LPIN2: variants seen among roughly 807,000 people sequenced by gnomAD.
The protein encoded by LPIN2 is phosphatidate phosphatase LPIN2.
Under a neutral mutation model 111.4 loss-of-function variants are expected in LPIN2, and 55 were observed. The ratio of observed to expected loss-of-function variants is 0.49; its 90% confidence interval spans 0.40 to 0.62. LPIN2 has a LOEUF of 0.62. Among genes scored for constraint, LPIN2 ranks in the 20% least tolerant of loss-of-function variants. The pLI is 0.00. For synonymous variants in LPIN2, 425 were observed against 414.0 expected, an observed-to-expected ratio of 1.03 and a Z score of -0.32; for missense variants, 992 against 1,112.1, an observed-to-expected ratio of 0.89 and a Z score of 1.54.
intron 18 of LPIN2, 188 bp downstream of exon 18, chr18:2,921,345 C>T: frequency 1.6e-6 from 1 of 638,970 alleles, no homozygotes; most frequent in South Asian, 1.8e-5. Context: ...TGGGGCAGAT[C>T]TGCACCTGCA....
At chr18:3,005,733 G>GT (rs1262985064) in intron 1 of LPIN2, among the ~76,000 whole-genome samples, 1 of 149,810 alleles carries the variant, frequency 6.7e-6, no homozygotes, top group African/African-American at 2.5e-5. Context: ...CCTAATAAAC[G>GT]TAACAACAAC....
At position 2,925,562 on chromosome 18, in the gene LPIN2, T is replaced by G. The variant is rs957138029; in HGVS notation, c.1794-194A>C. Among the ~76,000 whole-genome samples, 2 of 152,218 alleles carry G rather than the reference T, an allele frequency of 1.3e-5. No individual in the cohort carries two copies. Among genetic ancestry groups the G allele is most frequent in the African/African-American group, 4.8e-5 (2 of 41,452 alleles). On this transcript the variant is annotated intron_variant, in intron 13 of 19. Coordinates refer to ENST00000677752, the MANE Select transcript of LPIN2 (RefSeq NM_001375808.2). The surrounding 1 kb of genome is among the most constrained non-coding windows in gnomAD (Gnocchi z 4.1). Reference sequence around the variant, plus strand: ...CATATTGTTAACTGATAAGGCCACTTTCATAACTGGCAAGCACTTACTTTC... The same window carrying G: ...CATATTGTTAACTGATAAGGCCACTGTCATAACTGGCAAGCACTTACTTTC...
chr18:2,929,185 G>T, intron 9 of LPIN2, 27 bp from the exon 10 acceptor site: 2 of 1,367,906 alleles, frequency 1.5e-6, no homozygotes, highest in South Asian at 1.2e-5. Flanking sequence ...TAATCAATTT[G>T]GTTAGAGATT....
intron 1 of LPIN2, among the ~76,000 whole-genome samples, chr18:2,964,635 CA>C (rs2077765229): frequency 6.6e-6 from 1 of 152,182 alleles, no homozygotes; most frequent in South Asian, 2.1e-4. Flanking sequence ...TTGTTTAAGC[CA>C]AATACCATCT....
At chr18:2,958,138 T>C (rs1486928031) in intron 2 of LPIN2, among the ~76,000 whole-genome samples, 1 of 17,080 alleles carries the variant, frequency 5.9e-5, no homozygotes, top group Non-Finnish European at 1.0e-4. Context: ...CGAGACTCCA[T>C]CTCAAAAAAA....
chr18:2,995,369 C>T (rs1227017213), intron 1 of LPIN2, among the ~76,000 whole-genome samples: 1 of 152,186 alleles, frequency 6.6e-6, no homozygotes, highest in Non-Finnish European at 1.5e-5. Flanking sequence ...TTCCCTATGC[C>T]TTAAGACTCA....
chr18:2,980,936 T>TTCAGAATAA lies in LPIN2; in HGVS notation c.-9-20088_-9-20087insTTATTCTGA, dbSNP rs2078101212. 6.6e-5 allele frequency among the ~76,000 whole-genome samples: 10 copies of TTCAGAATAA among 152,368 alleles called. No homozygotes were observed. In the South Asian group the frequency reaches 1.9e-3, roughly 28 times the overall value. ...TATGGCCAGTAGATTATTCTGGGAC[T>TTCAGAATAA]TCAGGTTATTTGAATATAAAATAAT... On this transcript the variant is annotated intron_variant, in intron 1 of 19. Transcript: ENST00000677752.
At chr18:2,927,534 T>C (rs2144143469) in intron 12 of LPIN2, among the ~76,000 whole-genome samples, 188 bp downstream of exon 12, 1 of 152,280 alleles carries the variant, frequency 6.6e-6, no homozygotes, top group East Asian at 1.9e-4. Context: ...ACATCTCTAG[T>C]GCTGAGCTAC....
chr18:2,920,241 CCCTTG>C lies in LPIN2; in HGVS notation c.*47_*51del. The C allele has an allele frequency of 3.7e-6, 6 of 1,612,176 alleles. No homozygotes were observed. The South Asian group carries it at 6.6e-5, about 18-fold the overall frequency. ...GGTCAGCAGAAGAGCCAGCTGCCTT[CCCTTG>C]CTGTGGGGAGGGGGACCAAGCCCTG... is the stretch of plus-strand genomic sequence containing the variant. On this transcript the variant is annotated 3_prime_UTR_variant, in exon 20 of 20. Coordinates refer to ENST00000677752, the MANE Select transcript of LPIN2 (RefSeq NM_001375808.2).
intron 1 of LPIN2, among the ~76,000 whole-genome samples, chr18:3,000,099 A>G (rs2078411251): frequency 7.6e-6 from 1 of 131,050 alleles, no homozygotes; most frequent in East Asian, 2.4e-4. Flanking sequence ...AAGAGGGGAA[A>G]GAGGGGAAGG....
chr18:2,922,664 A>T (rs1168542677), intron 16 of LPIN2, among the ~76,000 whole-genome samples: 3 of 152,346 alleles, frequency 2.0e-5, no homozygotes. Flanking sequence ...ACTGCTTAGG[A>T]TTATAGAGGT....
intron 4 of LPIN2, among the ~76,000 whole-genome samples, chr18:2,949,211 TGAAG>T (rs767884259): frequency 6.0e-4 from 91 of 152,296 alleles, no homozygotes; most frequent in Non-Finnish European, 9.0e-4. Flanking sequence ...AAAGACTGAA[TGAAG>T]GAAGGAAAAG....
At chr18:3,000,971 GA>G (rs2078426810) in intron 1 of LPIN2, among the ~76,000 whole-genome samples, 1 of 134,546 alleles carries the variant, frequency 7.4e-6, no homozygotes, top group South Asian at 2.8e-4. Context: ...TGGGGAAAAA[GA>G]GGGGGGAGAG....
chr18:2,975,985 C>A lies in LPIN2; in HGVS notation c.-9-15136G>T, dbSNP rs369452809. On this transcript the variant is annotated intron_variant, in intron 1 of 19. Coordinates refer to ENST00000677752, the MANE Select transcript of LPIN2 (RefSeq NM_001375808.2). Reference sequence around the variant, plus strand: ...GAAGTTTTTTCTATTTACACACTGACCTAGAAGTCAGGAATTTGTACGATT... The same window carrying A: ...GAAGTTTTTTCTATTTACACACTGAACTAGAAGTCAGGAATTTGTACGATT... 3.4e-4 allele frequency among the ~76,000 whole-genome samples: 52 copies of A among 152,226 alleles called. No homozygotes were observed. In the East Asian group the frequency reaches 5.6e-3, roughly 16 times the overall value.
At chr18:2,927,450 C>A (rs921647634) in intron 12 of LPIN2, among the ~76,000 whole-genome samples, 1 of 152,160 alleles carries the variant, frequency 6.6e-6, no homozygotes, top group Admixed American at 6.5e-5. Context: ...AGGTCTTGCC[C>A]CAGCTCCGTC....
At chr18:2,923,056 G>A (rs1474712119) in intron 16 of LPIN2, among the ~76,000 whole-genome samples, 1 of 152,090 alleles carries the variant, frequency 6.6e-6, no homozygotes, top group Non-Finnish European at 1.5e-5. Flanking sequence ...CCCTCAAAGG[G>A]TGCCCCAAGA....
chr18:2,926,611 A>G, intron 13 of LPIN2, 112 bp downstream of exon 13: 1 of 832,188 alleles, frequency 1.2e-6, no homozygotes, highest in Non-Finnish European at 2.0e-6. Flanking sequence ...AGCATGTAGT[A>G]TCTGCAGAAG....
intron 1 of LPIN2, among the ~76,000 whole-genome samples, chr18:2,987,742 C>G (rs984721578): frequency 1.3e-5 from 2 of 152,086 alleles, no homozygotes; most frequent in Non-Finnish European, 2.9e-5. Flanking sequence ...TACTCTTCTT[C>G]CTGCCACCTT....
In LPIN2 at chr18:2,924,500, A is replaced by C. The variant is rs752327253; in HGVS notation, c.1985T>G (p.Ile662Ser). The stretch of plus-strand genomic sequence containing the variant: ...ACAGGTGCCTTGATACTGGGTTGTA[A>C]TACTAAACACAACATCATTTGGGCC... The part of the protein sequence containing the change: ...HDGPNDVVFS[I>S]TTQYQGTCRC... Residue 662 changes from isoleucine to serine, a missense_variant, in exon 15 of 20, where the codon ATT becomes AGT. Physicochemically the swap from Ile to Ser is moderately radical, Grantham distance 142. This residue lies in a region of LPIN2 where 709 missense variants were observed against 753.2 expected (regional missense o/e 0.94). Coordinates refer to ENST00000677752, the MANE Select transcript of LPIN2 (RefSeq NM_001375808.2). 6.2e-7 allele frequency: 1 copy of C among 1,614,204 alleles called. No individual in the cohort carries two copies. Among genetic ancestry groups the C allele is most frequent in the Non-Finnish European group, 8.5e-7 (1 of 1,180,000 alleles).
Sources: gnomAD v4.1 joint callset for allele counts (sites outside exome capture counted in the v4.1 genomes callset) on GRCh38, gnomAD v4.1.1 for gene constraint, gnomAD v4.1.1 regional missense constraint, Gnocchi (gnomAD v3.1) non-coding constraint, MANE v1.5 for transcripts, NCBI Gene and HGNC (gene_info 2026-07-23, HGNC 2026-07-21) for gene names.